Variants in EFHB observed in about 807,000 individuals in gnomAD.
EFHB encodes the protein EF-hand domain family member B.
In EFHB, 91 loss-of-function variants were observed where a neutral mutation model predicts 87.2. That is an observed-to-expected ratio of 1.04 (90% CI 0.88 to 1.24). The LOEUF (loss-of-function observed/expected upper bound fraction) is 1.24, where lower values mean the gene tolerates loss of function less well. Among genes scored for constraint, EFHB ranks in the 50% most tolerant of loss-of-function variants. EFHB has a pLI of 0.00. For missense variants in EFHB, 1,084 were observed against 998.8 expected, an observed-to-expected ratio of 1.09 and a Z score of -1.15; for synonymous variants, 325 against 333.6, an observed-to-expected ratio of 0.97 and a Z score of 0.28.
chr3:19,938,277 T>A (rs907097115), upstream of EFHB, among the ~76,000 whole-genome samples: 2 of 152,248 alleles, frequency 1.3e-5, no homozygotes, highest in Admixed American at 6.5e-5. Flanking sequence ...CACAGGTATA[T>A]ACATTTGTCA....
intron 9 of EFHB, among the ~76,000 whole-genome samples, chr3:19,893,351 AC>A (rs1294197115): frequency 2.0e-5 from 3 of 152,174 alleles, no homozygotes; most frequent in Non-Finnish European, 2.9e-5. Context: ...TTTATGCCTG[AC>A]CTTTCCAGAC....
Position 19,933,633 on chromosome 3 carries a change from G to C in EFHB, c.386C>G (p.Pro129Arg), listed in dbSNP as rs1695912124. The C allele has an allele frequency of 6.2e-7, 1 of 1,613,854 alleles. No homozygotes were observed. The highest frequency in any genetic ancestry group is 1.3e-5 in the African/African-American group (1 of 74,910). Residue 129 changes from proline to arginine, a missense_variant, in exon 1 of 13, where the codon CCT (proline) becomes CGT (arginine). Coordinates refer to ENST00000295824, the MANE Select transcript of EFHB (RefSeq NM_144715.4). ...GYTHERIIQP[P>R]LGRVCGSSQA... ...TGAACTTCCACACACCCTGCCCAAA[G>C]GAGGCTGTATTATCCGTTCATGGGT...
intron 1 of EFHB, among the ~76,000 whole-genome samples, chr3:19,939,922 A>T (rs2929343): frequency 0.74 from 112,795 of 152,040 alleles, 42,663 homozygotes; most frequent in African/African-American, 0.83. Context: ...CCAACAACTT[A>T]GTGTTATAGA....
chr3:19,903,939 A>C (rs1011591449), intron 6 of EFHB, among the ~76,000 whole-genome samples: 1 of 152,206 alleles, frequency 6.6e-6, no homozygotes, highest in Non-Finnish European at 1.5e-5. Flanking sequence ...AAATGGGAAG[A>C]ATAAAAGTTA....
intron 5 of EFHB, among the ~76,000 whole-genome samples, chr3:19,908,649 A>AAAGG (rs1694950658): frequency 6.6e-6 from 1 of 151,542 alleles, no homozygotes; most frequent in South Asian, 2.1e-4. Flanking sequence ...AGAAAGAAAG[A>AAAGG]AAGAAAAAGA....
intron 11 of EFHB, among the ~76,000 whole-genome samples, chr3:19,884,190 TAAAG>T (rs1040526039): frequency 6.6e-6 from 1 of 152,224 alleles, no homozygotes. Flanking sequence ...CATTAATATA[TAAAG>T]AATCATTTTA....
intron 1 of EFHB, among the ~76,000 whole-genome samples, chr3:19,930,438 T>C (rs1695790007): frequency 1.3e-5 from 2 of 152,200 alleles, no homozygotes; most frequent in Non-Finnish European, 2.9e-5. Context: ...GTGGAATATT[T>C]ACTCTTTCTC....
chr3:19,896,832 T>C lies in EFHB; in HGVS notation c.1580A>G (p.Asp527Gly), dbSNP rs758685868. The C allele has an allele frequency of 1.2e-6, 2 of 1,612,196 alleles. No homozygotes were observed. Among genetic ancestry groups the C allele is most frequent in the South Asian group, 1.1e-5 (1 of 90,974 alleles). ...CLRPEEYGVG[D>G]LIHNRLPDEY... The stretch of plus-strand genomic sequence containing the variant: ...ATCCGGAAGTCTATTATGGATGAGA[T>C]CACCAACTCCTATTGAAGAGAGAAA... The change falls in exon 9 of 13, where the codon GAT becomes GGT. Residue 527 changes from aspartate to glycine, a missense_variant. Physicochemically the swap from Asp to Gly is moderately conservative, Grantham distance 94 (BLOSUM62 -1). Transcript: ENST00000295824.
intron 6 of EFHB, among the ~76,000 whole-genome samples, chr3:19,905,338 G>T (rs538877552): frequency 6.6e-6 from 1 of 151,972 alleles, no homozygotes; most frequent in East Asian, 1.9e-4. Flanking sequence ...CACAAATAAA[G>T]TTGATCCCAG....
In EFHB at chr3:19,896,730, T is replaced by A. The variant is rs535671522; in HGVS notation, c.1682A>T (p.Gln561Leu). The A allele has an allele frequency of 6.2e-7, 1 of 1,614,026 alleles. No individual in the cohort carries two copies. The highest frequency in any genetic ancestry group is 1.3e-5 in the African/African-American group (1 of 75,060). The change falls in exon 9 of 13, where the codon CAA (glutamine) becomes CTA (leucine). Residue 561 changes from glutamine (Q) to leucine (L), a missense_variant. Gln to Leu is a moderately radical substitution (Grantham distance 113, BLOSUM62 -2). Transcript: ENST00000295824. ...GGCTGCCAGCAAAGTGTCAAACTTTTGGTAATTAACTTTCTTCAGGTGATG... is the reference window on the plus strand; with the variant it reads ...GGCTGCCAGCAAAGTGTCAAACTTTAGGTAATTAACTTTCTTCAGGTGATG... ...VRHHLKKVNY[Q>L]KFDTLLAAFR...
intron 9 of EFHB, among the ~76,000 whole-genome samples, chr3:19,889,490 T>C (rs1694228419): frequency 3.3e-5 from 5 of 152,264 alleles, no homozygotes; most frequent in Admixed American, 3.3e-4. Flanking sequence ...CCAAGAGGAA[T>C]CATAAATGAG....
intron 9 of EFHB, among the ~76,000 whole-genome samples, chr3:19,890,646 G>T (rs1049079078): frequency 1.3e-5 from 2 of 151,858 alleles, no homozygotes; most frequent in Non-Finnish European, 2.9e-5. Context: ...ATAGACAATT[G>T]TTATTACCTT....
At chr3:19,940,221 T>C (rs1696125649) in intron 1 of EFHB, 1 of 159,122 alleles carries the variant, frequency 6.3e-6, no homozygotes, top group African/African-American at 2.4e-5. Context: ...GGTCCTTCAG[T>C]GTTTTAAGTG....
At chr3:19,892,763 G>C (rs1307777777) in intron 9 of EFHB, among the ~76,000 whole-genome samples, 1 of 152,016 alleles carries the variant, frequency 6.6e-6, no homozygotes, top group Non-Finnish European at 1.5e-5. Flanking sequence ...GCTGAGGCAG[G>C]AGGATCACTT....
At chr3:19,937,412 C>T (rs1696049381), upstream of EFHB, among the ~76,000 whole-genome samples, 1 of 152,100 alleles carries the variant, frequency 6.6e-6, no homozygotes, top group South Asian at 2.1e-4. Flanking sequence ...CTGCTACAGA[C>T]AGTCATATTG....
intron 6 of EFHB, among the ~76,000 whole-genome samples, chr3:19,902,580 C>T (rs1347723262): frequency 6.6e-6 from 1 of 151,980 alleles, no homozygotes; most frequent in African/African-American, 2.4e-5. Flanking sequence ...TCTCGAACTC[C>T]TGACCTTGTG....
At chr3:19,904,104 T>C (rs1469902794) in intron 6 of EFHB, among the ~76,000 whole-genome samples, 1 of 152,318 alleles carries the variant, frequency 6.6e-6, no homozygotes, top group African/African-American at 2.4e-5. Context: ...GCTAAGTTTG[T>C]GTGCATGTTG....
intron 1 of EFHB, among the ~76,000 whole-genome samples, chr3:19,924,817 C>T (rs1344135199): frequency 1.3e-5 from 2 of 152,064 alleles, no homozygotes; most frequent in Admixed American, 1.3e-4. Flanking sequence ...CACATGTATA[C>T]ATATGTAACT....
At chr3:19,892,528 C>T (rs538674342) in intron 9 of EFHB, among the ~76,000 whole-genome samples, 1 of 152,352 alleles carries the variant, frequency 6.6e-6, no homozygotes, top group South Asian at 2.1e-4. Flanking sequence ...CATGCAACAG[C>T]AATCCCGGGC....
Sources: gnomAD v4.1 joint callset for allele counts (sites outside exome capture counted in the v4.1 genomes callset) on GRCh38, gnomAD v4.1.1 for gene constraint, MANE v1.5 for transcripts, NCBI Gene and HGNC (gene_info 2026-07-23, HGNC 2026-07-21) for gene names.